The following RBPJ variants were observed in gnomAD, a reference collection of about 807,000 sequenced individuals.
The protein encoded by RBPJ is recombining binding protein suppressor of hairless.
RBPJ carries 9 observed loss-of-function variants against 67.8 expected under a neutral mutation model. The observed-to-expected ratio is 0.13, with a 90% CI of 0.08 to 0.23. The LOEUF (loss-of-function observed/expected upper bound fraction) is 0.23, where lower values mean the gene tolerates loss of function less well. Among genes scored for constraint, RBPJ ranks in the 10% least tolerant of loss-of-function variants. The pLI, the probability that RBPJ is intolerant of heterozygous loss-of-function variation, is 1.00. For missense variants in RBPJ, 305 were observed against 595.6 expected (o/e 0.51, Z 5.08); for synonymous variants, 198 against 203.3 (o/e 0.97, Z 0.22).
chr4:26,313,109 G>T (rs966291997), intron 1 of RBPJ, among the ~76,000 whole-genome samples: 2 of 152,178 alleles, frequency 1.3e-5, no homozygotes, highest in African/African-American at 4.8e-5. Flanking sequence ...TTTTTGTTGA[G>T]ACAGAGTCTC....
At chr4:26,243,511 TG>T (rs1188685569) in intron 1 of RBPJ, among the ~76,000 whole-genome samples, 2 of 152,232 alleles carry the variant, frequency 1.3e-5, no homozygotes, top group African/African-American at 4.8e-5. Flanking sequence ...ATGAATAAGA[TG>T]TTTTTTGTAT....
chr4:26,171,229 G>A (rs1212144291), intron 1 of RBPJ, among the ~76,000 whole-genome samples: 3 of 152,028 alleles, frequency 2.0e-5, no homozygotes, highest in Admixed American at 2.0e-4. Context: ...AAATATAAAT[G>A]TCATATAAAA....
At chr4:26,232,609 G>A (rs908435573) in intron 1 of RBPJ, among the ~76,000 whole-genome samples, 2 of 152,222 alleles carry the variant, frequency 1.3e-5, no homozygotes, top group African/African-American at 4.8e-5. Context: ...GTAACAGAAT[G>A]TTCTTAAGTG....
chr4:26,213,624 G>A lies in RBPJ; in HGVS notation c.-167+50010G>A, dbSNP rs1010685575. ...GTAGGCGGGGGCTAGATCCAGCATG[G>A]CCCAGGAGGCCATGGAAATGGGTTT... On this transcript the variant is annotated intron_variant, in intron 1 of 4. Transcript: ENST00000512351. Among the ~76,000 whole-genome samples the A allele has an allele frequency of 5.9e-5, 9 of 152,174 alleles. No individual in the cohort carries two copies. In the South Asian group the frequency reaches 6.2e-4, roughly 10 times the overall value.
the RBPJ span, among the ~76,000 whole-genome samples, chr4:26,141,374 C>T: frequency 5.9e-5 from 9 of 152,202 alleles, no homozygotes; most frequent in Non-Finnish European, 1.3e-4. Flanking sequence ...CCCACTCCTG[C>T]GGGTGGGAAG....
chr4:26,230,708 T>C (rs1003519837), intron 1 of RBPJ, among the ~76,000 whole-genome samples: 6 of 152,248 alleles, frequency 3.9e-5, no homozygotes, highest in African/African-American at 1.4e-4. Context: ...CATATTTTTA[T>C]TTCCTTACAA....
chr4:26,168,157 C>T (rs1716395705), intron 1 of RBPJ, among the ~76,000 whole-genome samples: 1 of 151,946 alleles, frequency 6.6e-6, no homozygotes. Flanking sequence ...GATGCAGTTT[C>T]TTCCTAGTCT....
At chr4:26,317,524 A>G (rs1380218070), upstream of RBPJ, among the ~76,000 whole-genome samples, 1 of 152,128 alleles carries the variant, frequency 6.6e-6, no homozygotes, top group Non-Finnish European at 1.5e-5. Context: ...AAAGTCATGG[A>G]GGAGTTCTAG....
chr4:26,301,363 T>C (rs1015336454), intron 1 of RBPJ, among the ~76,000 whole-genome samples: 1 of 151,914 alleles, frequency 6.6e-6, no homozygotes, highest in East Asian at 1.9e-4. Flanking sequence ...GAGGCTGAGG[T>C]GGGCGGATCA....
At chr4:26,355,230 A>G (rs1234465221) in intron 1 of RBPJ, among the ~76,000 whole-genome samples, 2 of 152,028 alleles carry the variant, frequency 1.3e-5, no homozygotes, top group Non-Finnish European at 2.9e-5. Flanking sequence ...GCCCGACTAT[A>G]TATATATTTT....
chr4:26,406,330 G>GTA, intron 3 of RBPJ, 60 bp downstream of exon 3: 1 of 1,043,504 alleles, frequency 9.6e-7, no homozygotes, highest in Non-Finnish European at 1.5e-6. Flanking sequence ...TGCCAATTAT[G>GTA]TATTAATATA....
At chr4:26,364,350 G>A (rs1231897022) in intron 1 of RBPJ, among the ~76,000 whole-genome samples, 1 of 152,198 alleles carries the variant, frequency 6.6e-6, no homozygotes, top group Non-Finnish European at 1.5e-5. Context: ...CAATCAATTA[G>A]TTCAATCAGG....
At chr4:26,366,272 GTTTTT>G (rs537123590) in intron 1 of RBPJ, among the ~76,000 whole-genome samples, 36 of 150,164 alleles carry the variant, frequency 2.4e-4, no homozygotes, top group African/African-American at 8.8e-4. Flanking sequence ...CAGATCAGTA[GTTTTT>G]TTTTGTTTTG....
intron 1 of RBPJ, among the ~76,000 whole-genome samples, chr4:26,360,729 G>A (rs895780840): frequency 1.3e-5 from 2 of 151,344 alleles, no homozygotes; most frequent in African/African-American, 4.9e-5. Context: ...CTACAGGTGC[G>A]CGTCACTATG....
At chr4:26,348,916 A>C (rs537815208) in intron 1 of RBPJ, among the ~76,000 whole-genome samples, 36 of 152,256 alleles carry the variant, frequency 2.4e-4, no homozygotes, top group African/African-American at 8.7e-4. Context: ...TATGTTGCTC[A>C]GGCTGGTCTT....
chr4:26,374,242 G>A (rs1017832439), intron 1 of RBPJ, among the ~76,000 whole-genome samples: 36 of 151,930 alleles, frequency 2.4e-4, no homozygotes, highest in African/African-American at 8.7e-4. Flanking sequence ...GCTCTGCCAT[G>A]TTTACAGCTT....
At chr4:26,189,487 G>A (rs1429723121) in intron 1 of RBPJ, among the ~76,000 whole-genome samples, 2 of 152,000 alleles carry the variant, frequency 1.3e-5, no homozygotes, top group Non-Finnish European at 2.9e-5. Flanking sequence ...GTAAAACCCT[G>A]TCTCTACTAA....
chr4:26,359,765 C>T (rs1350337176), intron 1 of RBPJ: 3 of 151,176 alleles, frequency 2.0e-5, no homozygotes, highest in Admixed American at 6.6e-5. Flanking sequence ...GGAGCTGACC[C>T]TCGGCGTCCC....
chr4:26,140,832 C>CATAAATAAATAA, the RBPJ span, among the ~76,000 whole-genome samples: 102 of 40,640 alleles, frequency 2.5e-3, no homozygotes, highest in Admixed American at 7.4e-3. Context: ...CTGACCCTTC[C>CATAAATAAATAA]ACAAATAAAT....
Sources: gnomAD v4.1 joint callset for allele counts (sites outside exome capture counted in the v4.1 genomes callset) on GRCh38, gnomAD v4.1.1 for gene constraint, MANE v1.5 for transcripts, NCBI Gene and HGNC (gene_info 2026-07-23, HGNC 2026-07-21) for gene names.